Variants in ZBTB46 observed in about 807,000 individuals in gnomAD.
ZBTB46 encodes the protein zinc finger and BTB domain containing 46, also known as zinc finger and BTB domain-containing protein 46.
In ZBTB46, 8 loss-of-function variants were observed where a neutral mutation model predicts 44.1. The ratio of observed to expected loss-of-function variants is 0.18; its 90% CI spans 0.11 to 0.33. The LOEUF (loss-of-function observed/expected upper bound fraction) is 0.33, where lower values mean the gene tolerates loss of function less well. ZBTB46 is among the 10% of genes least tolerant of loss of function. ZBTB46 has a pLI of 1.00. For missense variants in ZBTB46, 651 were observed against 847.7 expected (o/e 0.77, Z 2.88); for synonymous variants, 409 against 382.3 (o/e 1.07, Z -0.81).
upstream of ZBTB46, among the ~76,000 whole-genome samples, chr20:63,832,712 C>T (rs2092858341): frequency 6.6e-6 from 1 of 151,976 alleles, no homozygotes; most frequent in Non-Finnish European, 1.5e-5. This position sits in a 1 kb window ranked among gnomAD's most constrained non-coding sequence, Gnocchi z 5.0. Context: ...GCCCCGTCGC[C>T]GGCCTACCTC....
upstream of ZBTB46, among the ~76,000 whole-genome samples, chr20:63,832,049 G>A (rs1317136275): frequency 5.9e-5 from 9 of 151,922 alleles, no homozygotes; most frequent in Non-Finnish European, 1.2e-4. This position sits in a 1 kb window ranked among gnomAD's most constrained non-coding sequence, Gnocchi z 5.0. Flanking sequence ...TAGGGGCACC[G>A]GCGGCCGCGC....
At chr20:63,830,943 G>A (rs1036637484) in intron 1 of ZBTB46, among the ~76,000 whole-genome samples, 154 bp downstream of exon 1, 9 of 142,264 alleles carry the variant, frequency 6.3e-5, no homozygotes, top group African/African-American at 2.3e-4. Flanking sequence ...GCCCCCGGGA[G>A]GGCGCCCCCG....
At chr20:63,806,766 G>A (rs62219894) in intron 1 of ZBTB46, among the ~76,000 whole-genome samples, 7,669 of 148,728 alleles carry the variant, frequency 0.052, 285 homozygotes, top group Non-Finnish European at 0.075. Context: ...CCACCACCAC[G>A]CCCAGCTAAT....
intron 1 of ZBTB46, among the ~76,000 whole-genome samples, chr20:63,825,724 C>T (rs563028642): frequency 3.9e-5 from 6 of 152,298 alleles, no homozygotes; most frequent in African/African-American, 1.4e-4. Flanking sequence ...CTTCATAACT[C>T]AGAAGCTTCT....
chr20:63,751,241 C>T, intron 4 of ZBTB46, among the ~76,000 whole-genome samples: 1 of 152,068 alleles, frequency 6.6e-6, no homozygotes. Flanking sequence ...GGCGGCTCCG[C>T]GTGGATGTGG....
chr20:63,801,114 G>A (rs575864653), intron 1 of ZBTB46, among the ~76,000 whole-genome samples: 17 of 152,324 alleles, frequency 1.1e-4, no homozygotes, highest in African/African-American at 4.1e-4. Flanking sequence ...CCTGTGTCTA[G>A]CTCAAGGTTT....
chr20:63,776,139 A>T (rs944033530), intron 2 of ZBTB46, among the ~76,000 whole-genome samples, 177 bp from the exon 3 acceptor site: 1 of 152,240 alleles, frequency 6.6e-6, no homozygotes, highest in Admixed American at 6.5e-5. Context: ...GCCTCGGCCC[A>T]GCCCGGCCTT....
chr20:63,812,471 G>A (rs1009464479), intron 1 of ZBTB46, among the ~76,000 whole-genome samples: 4 of 151,684 alleles, frequency 2.6e-5, no homozygotes, highest in East Asian at 3.9e-4. Flanking sequence ...GTAAAACCCC[G>A]TCTCTACTAA....
In ZBTB46 at chr20:63,803,581, G is replaced by C; in HGVS notation, c.-33-12791C>G. On this transcript the variant is annotated intron_variant, in intron 1 of 4. Coordinates refer to ENST00000245663, the MANE Select transcript of ZBTB46 (RefSeq NM_001369741.1). This position sits in a 1 kb window ranked among gnomAD's most constrained non-coding sequence, Gnocchi z 4.0. ...GCTGCCCAGGCCCCGGGCTGCCCAG[G>C]TCTCTGTCGGAGGCCCTGCCAGCCC... 1.0e-6 allele frequency: 1 copy of C among 966,102 alleles called. No homozygotes were observed. The highest frequency in any genetic ancestry group is 1.2e-6 in the Non-Finnish European group (1 of 812,500). The allele number at this position is 966,102 out of a possible 1,614,324, so 59.8% of individuals were successfully genotyped here.
intron 3 of ZBTB46, among the ~76,000 whole-genome samples, chr20:63,757,581 G>T (rs1490444580): frequency 2.6e-5 from 4 of 152,106 alleles, no homozygotes; most frequent in Admixed American, 1.3e-4. Context: ...TCTCCACGAC[G>T]GCAGCACTAG....
intron 3 of ZBTB46, among the ~76,000 whole-genome samples, chr20:63,773,568 C>G (rs1228924215): frequency 6.6e-6 from 1 of 152,168 alleles, no homozygotes; most frequent in Non-Finnish European, 1.5e-5. Context: ...AAACAGCACC[C>G]AAGCCCCTCA....
intron 1 of ZBTB46, among the ~76,000 whole-genome samples, chr20:63,793,216 G>A (rs1272499750): frequency 1.3e-5 from 2 of 152,210 alleles, no homozygotes; most frequent in African/African-American, 2.4e-5. Flanking sequence ...AGGCAAACGC[G>A]TGTGGGTGCG....
rs779661088 is a variant in ZBTB46 at position 63,775,957 on chromosome 20, C to G, written c.943G>C (p.Asp315His). The change falls in exon 3 of 5, where the codon GAC becomes CAC. Residue 315 changes from aspartate (D) to histidine (H), a missense_variant. This residue lies in a region of ZBTB46 where 385 missense variants were observed against 423.3 expected (regional missense o/e 0.91). Coordinates refer to ENST00000245663, the MANE Select transcript of ZBTB46 (RefSeq NM_001369741.1). ...CTGCTGGCTTCGGTGACGGACAGGT[C>G]CGCATCTGGGGACAGAGGGACACAC... Reference protein sequence around the residue: ...WPFSSRDSNADLSVTEASSSD... With the variant: ...WPFSSRDSNAHLSVTEASSSD... 8 of 1,560,296 alleles carry G rather than the reference C, an allele frequency of 5.1e-6. No homozygotes were observed. Among genetic ancestry groups the G allele is most frequent in the African/African-American group, 2.7e-5 (2 of 73,624 alleles).
At chr20:63,789,745 G>C in intron 2 of ZBTB46, 76 bp downstream of exon 2, 1 of 1,521,034 alleles carries the variant, frequency 6.6e-7, no homozygotes. Flanking sequence ...ATGCGTCACT[G>C]CCTCCGCACA....
At position 63,789,881 on chromosome 20, in the gene ZBTB46, T is replaced by G. The variant is rs1273553254; in HGVS notation, c.877A>C (p.Ser293Arg). 3.1e-6 allele frequency: 5 copies of G among 1,613,650 alleles called. No homozygotes were observed. Among genetic ancestry groups the G allele is most frequent in the Admixed American group, 1.7e-5 (1 of 60,006 alleles). Residue 293 changes from serine to arginine, a missense_variant, in exon 2 of 5, where the codon AGC (serine) becomes CGC (arginine). Physicochemically the swap from Ser to Arg is moderately radical, Grantham distance 110. Transcript: ENST00000245663. ...GGCAGGAAGGACGGCACCGGGGAGC[T>G]GGCCCGGCTGTCATCTTCCACCTGC... is the stretch of plus-strand genomic sequence containing the variant. Reference protein sequence around the residue: ...TQQVEDDSRASSPVPSFLPTS... With the variant: ...TQQVEDDSRARSPVPSFLPTS...
chr20:63,771,724 G>A (rs1372821056), intron 3 of ZBTB46, among the ~76,000 whole-genome samples: 2 of 152,254 alleles, frequency 1.3e-5, no homozygotes, highest in African/African-American at 4.8e-5. Context: ...GGGACCACCT[G>A]TCGGGGACAG....
chr20:63,821,195 T>G (rs1315348648), intron 1 of ZBTB46, among the ~76,000 whole-genome samples: 1 of 151,534 alleles, frequency 6.6e-6, no homozygotes, highest in African/African-American at 2.4e-5. Context: ...TTTTTTTTTT[T>G]TTTCAGTAGA....
At chr20:63,775,501 C>A in intron 3 of ZBTB46, 177 bp downstream of exon 3, 1 of 780,080 alleles carries the variant, frequency 1.3e-6, no homozygotes, top group Non-Finnish European at 1.9e-6. Flanking sequence ...CCCCCGTGCA[C>A]CTGAGAGGCC....
chr20:63,808,097 G>A (rs1181627067), intron 1 of ZBTB46: 1 of 152,914 alleles, frequency 6.5e-6, no homozygotes, highest in Non-Finnish European at 1.5e-5. Flanking sequence ...CGGACCGACG[G>A]AGGTGGCGTG....
Sources: allele counts gnomAD v4.1 joint callset (sites outside exome capture counted in the v4.1 genomes callset), GRCh38; gene constraint gnomAD v4.1.1; regional missense constraint gnomAD v4.1.1; non-coding constraint Gnocchi (gnomAD v3.1); transcripts MANE v1.5; gene names NCBI Gene and HGNC (gene_info 2026-07-23, HGNC 2026-07-21).